Variants in RIMS1 observed in about 807,000 individuals in gnomAD.
The protein encoded by RIMS1 is regulating synaptic membrane exocytosis 1, also known as regulating synaptic membrane exocytosis protein 1.
In RIMS1, 83 loss-of-function variants were observed where a neutral mutation model predicts 214.1. That is an observed-to-expected ratio of 0.39 (90% CI 0.32 to 0.47). The LOEUF (loss-of-function observed/expected upper bound fraction) is 0.47, where lower values mean the gene tolerates loss of function less well. Ranked by LOEUF, RIMS1 falls within the 20% of genes least tolerant of loss-of-function variation. RIMS1 has a pLI of 0.99. For missense variants in RIMS1, 2,050 were observed against 2,161.8 expected (o/e 0.95, Z 1.03); for synonymous variants, 793 against 786.8 (o/e 1.01, Z -0.13).
Position 71,930,228 on chromosome 6 carries a change from C to T in RIMS1, c.165-38755C>T, listed in dbSNP as rs151032781. ...AAAGGACAGAAGAGTATTGTAATAA[C>T]GCTAAATGGTGGCATTAAGAAAAGC... On this transcript the variant is annotated intron_variant, in intron 1 of 33. Coordinates refer to ENST00000521978, the MANE Select transcript of RIMS1 (RefSeq NM_014989.7). Among the ~76,000 whole-genome samples the T allele has an allele frequency of 5.5e-3, 831 of 152,082 alleles. 8 individuals are homozygous for T. The highest frequency in any genetic ancestry group is 0.017 in the African/African-American group (694 of 41,526).
rs117383726 is a variant in RIMS1, at chr6:72,388,684, T to A, written c.4367-1914T>A. ...GGAGAGGAAGAAGAATGACCAGACT[T>A]GTGATGCATTTTGAAGGCAAAGCCA... On this transcript the variant is annotated intron_variant, in intron 29 of 33. Coordinates refer to ENST00000521978, the MANE Select transcript of RIMS1 (RefSeq NM_014989.7). Among the ~76,000 whole-genome samples the A allele has an allele frequency of 4.5e-3, 679 of 152,196 alleles. 2 individuals carry two copies. The highest frequency in any genetic ancestry group is 7.5e-3 in the South Asian group (36 of 4,826).
At chr6:72,369,723 T>C (rs559377097) in intron 29 of RIMS1, among the ~76,000 whole-genome samples, 1 of 152,338 alleles carries the variant, frequency 6.6e-6, no homozygotes, top group East Asian at 1.9e-4. Context: ...TGCATTTGAT[T>C]GAAACCCCCA....
intron 11 of RIMS1, among the ~76,000 whole-genome samples, chr6:72,246,916 A>G (rs972921863): frequency 1.3e-5 from 2 of 152,228 alleles, no homozygotes; most frequent in Non-Finnish European, 1.5e-5. Context: ...AATTTTATAT[A>G]GCTGTTTTTT....
intron 24 of RIMS1, among the ~76,000 whole-genome samples, chr6:72,288,911 A>T (rs2092863283): frequency 6.6e-6 from 1 of 152,188 alleles, no homozygotes; most frequent in Non-Finnish European, 1.5e-5. Flanking sequence ...GTGCTAAACG[A>T]TTAACCTCAA....
At chr6:72,313,190 G>A (rs1306356652) in intron 27 of RIMS1, among the ~76,000 whole-genome samples, 1 of 152,060 alleles carries the variant, frequency 6.6e-6, no homozygotes, top group Non-Finnish European at 1.5e-5. Flanking sequence ...AGAAGCGTAT[G>A]TACTAGAAAA....
chr6:72,152,979 A>ATG (rs1452615553), intron 4 of RIMS1, among the ~76,000 whole-genome samples: 1 of 135,148 alleles, frequency 7.4e-6, no homozygotes, highest in Non-Finnish European at 1.6e-5. Flanking sequence ...ATGTATATAT[A>ATG]TGTATATATG....
chr6:71,983,361 T>C (rs1230800711), intron 2 of RIMS1, among the ~76,000 whole-genome samples: 1 of 152,178 alleles, frequency 6.6e-6, no homozygotes, highest in Non-Finnish European at 1.5e-5. Context: ...GGTCTCTCTT[T>C]CTATTTCTCA....
chr6:72,292,196 C>A, intron 26 of RIMS1, 150 bp downstream of exon 26: 1 of 564,394 alleles, frequency 1.8e-6, no homozygotes, highest in Non-Finnish European at 3.1e-6. Flanking sequence ...ATCCCCAACA[C>A]CTAGTGACAG....
At chr6:71,919,834 G>T (rs1296581475) in intron 1 of RIMS1, among the ~76,000 whole-genome samples, 2 of 152,222 alleles carry the variant, frequency 1.3e-5, no homozygotes, top group African/African-American at 2.4e-5. Flanking sequence ...ATCCAAAGAG[G>T]TTAAGAACGA....
chr6:72,075,233 C>T (rs1831507737), intron 2 of RIMS1, among the ~76,000 whole-genome samples: 1 of 152,026 alleles, frequency 6.6e-6, no homozygotes, highest in Admixed American at 6.6e-5. Flanking sequence ...AGGTATATAC[C>T]AGCACACCTA....
chr6:71,946,933 A>G (rs1788001895), intron 1 of RIMS1, among the ~76,000 whole-genome samples: 1 of 152,120 alleles, frequency 6.6e-6, no homozygotes, highest in Admixed American at 6.5e-5. Context: ...AACTCAAACA[A>G]CTCAGTAGCA....
intron 4 of RIMS1, among the ~76,000 whole-genome samples, chr6:72,126,469 G>A (rs895677958): frequency 2.2e-4 from 33 of 151,950 alleles, no homozygotes; most frequent in African/African-American, 8.0e-4. Context: ...GAAATAATCA[G>A]CAGAGTAAGC....
chr6:72,011,709 G>A (rs934760130), intron 2 of RIMS1, among the ~76,000 whole-genome samples: 1 of 152,208 alleles, frequency 6.6e-6, no homozygotes, highest in Non-Finnish European at 1.5e-5. Flanking sequence ...CATTTATGCA[G>A]CCAAAAGACA....
intron 4 of RIMS1, among the ~76,000 whole-genome samples, chr6:72,127,689 G>A (rs2039793454): frequency 6.6e-6 from 1 of 152,162 alleles, no homozygotes; most frequent in Non-Finnish European, 1.5e-5. Flanking sequence ...TGTTCCTCTG[G>A]TCCAGCTTTT....
intron 2 of RIMS1, among the ~76,000 whole-genome samples, chr6:72,085,317 T>C (rs1032551897): frequency 3.3e-4 from 50 of 152,188 alleles, no homozygotes; most frequent in African/African-American, 1.2e-3. Flanking sequence ...ATATTTAGAA[T>C]ATTGCCTCTG....
intron 17 of RIMS1, 128 bp downstream of exon 17, chr6:72,258,409 G>T: frequency 1.9e-6 from 2 of 1,048,874 alleles, no homozygotes; most frequent in Non-Finnish European, 2.6e-6. Context: ...ATTAATTGTA[G>T]GCAAAATTTT....
At chr6:72,057,825 G>C (rs551349620) in intron 2 of RIMS1, among the ~76,000 whole-genome samples, 2 of 152,228 alleles carry the variant, frequency 1.3e-5, no homozygotes, top group East Asian at 3.9e-4. Flanking sequence ...GTACACTTTT[G>C]ACAAAAATAT....
intron 2 of RIMS1, among the ~76,000 whole-genome samples, chr6:72,033,288 G>T (rs1228551305): frequency 1.3e-5 from 2 of 152,204 alleles, no homozygotes; most frequent in Non-Finnish European, 2.9e-5. Context: ...TGACCTCAGT[G>T]GCAGTGTGGG....
At chr6:72,311,059 T>A (rs1400412747) in intron 27 of RIMS1, among the ~76,000 whole-genome samples, 1 of 152,170 alleles carries the variant, frequency 6.6e-6, no homozygotes. Flanking sequence ...TATTTTCATA[T>A]ACATTCACAT....
Sources: allele counts gnomAD v4.1 joint callset (sites outside exome capture counted in the v4.1 genomes callset), GRCh38; gene constraint gnomAD v4.1.1; transcripts MANE v1.5; gene names NCBI Gene and HGNC (gene_info 2026-07-23, HGNC 2026-07-21).